The following SLCO4C1 variants were observed in gnomAD, a reference collection of about 807,000 sequenced individuals.
SLCO4C1 encodes solute carrier organic anion transporter family member 4C1.
In SLCO4C1, 58 loss-of-function variants were observed where a neutral mutation model predicts 72.1. The observed-to-expected ratio is 0.80, with a 90% CI of 0.65 to 1.00. The LOEUF (loss-of-function observed/expected upper bound fraction) is 1.00, where lower values mean the gene tolerates loss of function less well. Among genes scored for constraint, SLCO4C1 ranks in the 50% least tolerant of loss-of-function variants. SLCO4C1 has a pLI of 0.00. For missense variants in SLCO4C1, 898 were observed against 857.9 expected, an observed-to-expected ratio of 1.05 and a Z score of -0.58; for synonymous variants, 297 against 312.5, an observed-to-expected ratio of 0.95 and a Z score of 0.52.
intron 2 of SLCO4C1, among the ~76,000 whole-genome samples, chr5:102,282,183 T>C (rs1266428726): frequency 1.3e-5 from 2 of 152,070 alleles, no homozygotes; most frequent in South Asian, 2.1e-4. Flanking sequence ...TATTGAAATA[T>C]AGTAAAACCT....
At chr5:102,237,144 GT>G in intron 12 of SLCO4C1, 126 bp from the exon 13 acceptor site, 1 of 1,013,106 alleles carries the variant, frequency 9.9e-7, no homozygotes, top group South Asian at 2.0e-5. Context: ...ATAGTTCTAT[GT>G]TTAAAATTTT....
intron 6 of SLCO4C1, among the ~76,000 whole-genome samples, chr5:102,259,889 C>G (rs767662360): frequency 6.6e-6 from 1 of 151,954 alleles, no homozygotes; most frequent in Non-Finnish European, 1.5e-5. Context: ...ACCATTCTAC[C>G]CTGCAATAGT....
At chr5:102,291,894 T>C (rs1204825791) in intron 1 of SLCO4C1, among the ~76,000 whole-genome samples, 5 of 152,128 alleles carry the variant, frequency 3.3e-5, no homozygotes, top group African/African-American at 1.2e-4. Context: ...CGATCTCGGC[T>C]CACCGCCACC....
rs77749374 is a variant in SLCO4C1, at chr5:102,251,285, T to C, written c.1470-1497A>G. Among the ~76,000 whole-genome samples the C allele has an allele frequency of 3.8e-4, 58 of 152,290 alleles. 1 individual carries two copies. In the East Asian group the frequency reaches 0.01, roughly 27 times the overall value. On this transcript the variant is annotated intron_variant, in intron 8 of 12. Transcript: ENST00000310954. ...TTTAAAGAAGTAATTCTAGGAGTTGTACAGAGTATGAATTTGAAGAAAGGG... is the reference window on the plus strand; with the variant it reads ...TTTAAAGAAGTAATTCTAGGAGTTGCACAGAGTATGAATTTGAAGAAAGGG...
chr5:102,242,235 T>A (rs1384909904), intron 10 of SLCO4C1, among the ~76,000 whole-genome samples: 2 of 152,240 alleles, frequency 1.3e-5, no homozygotes. Context: ...TACAGCACTG[T>A]GTCTCCAAGT....
intron 3 of SLCO4C1, among the ~76,000 whole-genome samples, chr5:102,269,358 T>G (rs1483931953): frequency 6.6e-6 from 1 of 152,116 alleles, no homozygotes; most frequent in Non-Finnish European, 1.5e-5. Context: ...CTTTATTTTT[T>G]TTTTCATTTT....
At chr5:102,278,065 T>G (rs1374061561) in intron 2 of SLCO4C1, among the ~76,000 whole-genome samples, 2 of 152,058 alleles carry the variant, frequency 1.3e-5, no homozygotes, top group Non-Finnish European at 2.9e-5. Flanking sequence ...TTAAAGGATA[T>G]TGACATAGTG....
chr5:102,257,608 G>A (rs1240262735), intron 7 of SLCO4C1, among the ~76,000 whole-genome samples: 3 of 132,316 alleles, frequency 2.3e-5, no homozygotes, highest in Non-Finnish European at 4.7e-5. Context: ...CCAAAATTAA[G>A]TTTAAGTGTC....
chr5:102,264,888 T>A (rs1404768298), intron 3 of SLCO4C1, among the ~76,000 whole-genome samples: 1 of 152,068 alleles, frequency 6.6e-6, no homozygotes, highest in Non-Finnish European at 1.5e-5. Flanking sequence ...AATATTTATC[T>A]TCTGTGCCTG....
intron 5 of SLCO4C1, among the ~76,000 whole-genome samples, chr5:102,260,769 C>T (rs1251157463): frequency 1.3e-5 from 2 of 152,024 alleles, no homozygotes; most frequent in African/African-American, 4.8e-5. Flanking sequence ...TCCTAACATG[C>T]TTGACAAATG....
chr5:102,248,650 A>G (rs747913098), intron 9 of SLCO4C1, among the ~76,000 whole-genome samples: 1 of 152,136 alleles, frequency 6.6e-6, no homozygotes. Flanking sequence ...TTTATTGGTC[A>G]TATATACAGA....
chr5:102,247,997 G>A (rs1748666891), intron 9 of SLCO4C1, among the ~76,000 whole-genome samples: 1 of 140,958 alleles, frequency 7.1e-6, no homozygotes, highest in Non-Finnish European at 1.5e-5. Context: ...CAAATATGCA[G>A]ATGACACCTC....
intron 8 of SLCO4C1, among the ~76,000 whole-genome samples, chr5:102,252,908 T>C (rs950059755): frequency 6.6e-6 from 1 of 152,096 alleles, no homozygotes; most frequent in Admixed American, 6.5e-5. Flanking sequence ...TAAAATATAA[T>C]AAAATAAATG....
intron 7 of SLCO4C1, 92 bp downstream of exon 7, chr5:102,257,851 C>A: frequency 8.3e-7 from 1 of 1,199,734 alleles, no homozygotes. Flanking sequence ...GTTTAAATTT[C>A]AAGGAGGGCT....
At chr5:102,251,243 C>T (rs1263420508) in intron 8 of SLCO4C1, among the ~76,000 whole-genome samples, 1 of 152,104 alleles carries the variant, frequency 6.6e-6, no homozygotes, top group Non-Finnish European at 1.5e-5. Flanking sequence ...TGGAAAGTGA[C>T]ACTGTCAAAA....
Position 102,291,284 on chromosome 5 carries a change from T to C in SLCO4C1, c.619+59A>G, listed in dbSNP as rs1749543081. ...TAAGTGAATTGCAATATAAAGTTAA[T>C]GACCTAGTTTTATCCACTTCTTCAG... On this transcript the variant is annotated intron_variant, in intron 2 of 12. Transcript: ENST00000310954. 3 of 1,537,012 alleles carry C rather than the reference T, an allele frequency of 2.0e-6. No individual in the cohort carries two copies. The South Asian group carries it at 3.7e-5, about 19-fold the overall frequency.
At chr5:102,239,055 C>T (rs528425746) in intron 12 of SLCO4C1, among the ~76,000 whole-genome samples, 196 bp downstream of exon 12, 1 of 152,200 alleles carries the variant, frequency 6.6e-6, no homozygotes, top group Admixed American at 6.6e-5. Context: ...AGTACTGAGC[C>T]TTGCAAACTC....
chr5:102,245,097 G>A (rs1238949661), intron 10 of SLCO4C1, among the ~76,000 whole-genome samples: 1 of 152,070 alleles, frequency 6.6e-6, no homozygotes, highest in African/African-American at 2.4e-5. Flanking sequence ...TCAAGACATA[G>A]TACAATAAGA....
At chr5:102,295,757 G>A (rs1374968334) in intron 1 of SLCO4C1, 151 bp downstream of exon 1, 1 of 725,520 alleles carries the variant, frequency 1.4e-6, no homozygotes, top group African/African-American at 1.8e-5. Flanking sequence ...TGACCTTGGT[G>A]AGAGCGCAAG....
Sources: allele counts gnomAD v4.1 joint callset (sites outside exome capture counted in the v4.1 genomes callset), GRCh38; gene constraint gnomAD v4.1.1; transcripts MANE v1.5; gene names NCBI Gene and HGNC (gene_info 2026-07-23, HGNC 2026-07-21).